The following DGKG variants were observed in gnomAD, a reference collection of about 807,000 sequenced individuals.
The protein encoded by DGKG is DAG kinase gamma.
In DGKG, 78 loss-of-function variants were observed where a neutral mutation model predicts 105.3. The ratio of observed to expected loss-of-function variants is 0.74; its 90% CI spans 0.62 to 0.89. The LOEUF (loss-of-function observed/expected upper bound fraction) is 0.89. Among genes scored for constraint, DGKG ranks in the 40% least tolerant of loss-of-function variants. DGKG has a pLI of 0.00. For synonymous variants in DGKG, 346 were observed against 367.1 expected (o/e 0.94, Z 0.66); for missense variants, 958 against 1,020.1 (o/e 0.94, Z 0.83).
intron 21 of DGKG, among the ~76,000 whole-genome samples, chr3:186,201,209 T>C (rs942277696): frequency 5.9e-5 from 9 of 151,962 alleles, no homozygotes; most frequent in Non-Finnish European, 1.3e-4. Context: ...TGGATGCAGA[T>C]TAATAGGCTT....
At chr3:186,287,220 T>C (rs1723112416) in intron 6 of DGKG, among the ~76,000 whole-genome samples, 1 of 152,274 alleles carries the variant, frequency 6.6e-6, no homozygotes, top group South Asian at 2.1e-4. Context: ...TACTGACTAT[T>C]TGATAATAGC....
chr3:186,288,089 C>T (rs899590068), intron 6 of DGKG, among the ~76,000 whole-genome samples: 8 of 152,228 alleles, frequency 5.3e-5, no homozygotes, highest in Non-Finnish European at 1.0e-4. Context: ...GCTCCCAGCT[C>T]TTACTCTCCT....
intron 24 of DGKG, chr3:186,158,742 A>C (rs923058290): frequency 5.8e-5 from 56 of 970,562 alleles, no homozygotes; most frequent in Non-Finnish European, 6.5e-5. Flanking sequence ...TGTCAATTCT[A>C]TATCAACCTT....
intron 24 of DGKG, chr3:186,158,267 C>T (rs943144201): frequency 5.2e-6 from 4 of 768,584 alleles, no homozygotes; most frequent in Non-Finnish European, 6.3e-6. Context: ...TTACATTTTA[C>T]TTCTTTTTTA....
At chr3:186,356,345 G>T (rs761541330) in intron 1 of DGKG, among the ~76,000 whole-genome samples, 11 of 152,218 alleles carry the variant, frequency 7.2e-5, no homozygotes, top group Non-Finnish European at 1.5e-4. Context: ...ATCTGGGCAA[G>T]TTGGCGAGGC....
intron 1 of DGKG, among the ~76,000 whole-genome samples, chr3:186,351,519 C>G (rs988692195): frequency 2.0e-5 from 3 of 152,088 alleles, no homozygotes; most frequent in African/African-American, 7.2e-5. Context: ...AGTTCTAATG[C>G]AAATGAAAAT....
chr3:186,297,789 C>A (rs1253137224), intron 4 of DGKG, among the ~76,000 whole-genome samples: 1 of 152,180 alleles, frequency 6.6e-6, no homozygotes. Flanking sequence ...GGCTCTCTTC[C>A]CCCACCATAC....
At chr3:186,212,762 C>A (rs959185320) in intron 20 of DGKG, among the ~76,000 whole-genome samples, 1 of 152,204 alleles carries the variant, frequency 6.6e-6, no homozygotes, top group African/African-American at 2.4e-5. Flanking sequence ...CCAACTGTCA[C>A]CCCATTATCA....
At chr3:186,218,502 GAAAAAAAAAAA>G (rs10692822) in intron 20 of DGKG, among the ~76,000 whole-genome samples, 1 of 70,380 alleles carries the variant, frequency 1.4e-5, no homozygotes, top group Non-Finnish European at 2.4e-5. Flanking sequence ...GACTCCGTCT[GAAAAAAAAAAA>G]AAAAAAAAAA....
At chr3:186,306,647 C>A in intron 3 of DGKG, 1 of 412,520 alleles carries the variant, frequency 2.4e-6, no homozygotes, top group Non-Finnish European at 4.3e-6. Flanking sequence ...CAGTTGTTAA[C>A]TGAGGATGAG....
At position 186,211,888 on chromosome 3, in the gene DGKG, G is replaced by T. The variant is rs1459775250; in HGVS notation, c.1827-3C>A. On this transcript the variant is annotated splice_polypyrimidine_tract_variant and splice_region_variant and intron_variant, in intron 20 of 24. Coordinates refer to ENST00000265022, the MANE Select transcript of DGKG (RefSeq NM_001346.3). The stretch of plus-strand genomic sequence containing the variant: ...AGTACCACAGCTTGTTCTTCATCCT[G>T]GACCACAAAGCAGAGAGATGTCTCA... 3 of 1,611,774 alleles carry T rather than the reference G, an allele frequency of 1.9e-6. No individual in the cohort carries two copies. The highest frequency in any genetic ancestry group is 2.5e-6 in the Non-Finnish European group (3 of 1,178,000).
chr3:186,166,286 T>C (rs1317078770), intron 22 of DGKG, among the ~76,000 whole-genome samples: 1 of 152,262 alleles, frequency 6.6e-6, no homozygotes, highest in Non-Finnish European at 1.5e-5. Flanking sequence ...GATACACGGC[T>C]TGCATCAGTC....
intron 24 of DGKG, 23 bp from the exon 25 acceptor site, chr3:186,150,211 G>A (rs1715690532): frequency 6.3e-7 from 1 of 1,598,924 alleles, no homozygotes; most frequent in Non-Finnish European, 8.5e-7. Flanking sequence ...AGGCAGAAAT[G>A]AATTAGTGGC....
At chr3:186,353,159 G>A (rs933385079) in intron 1 of DGKG, among the ~76,000 whole-genome samples, 3 of 152,062 alleles carry the variant, frequency 2.0e-5, no homozygotes, top group East Asian at 1.9e-4. Flanking sequence ...ACTCCAGAGC[G>A]TATTACCTGA....
intron 23 of DGKG, among the ~76,000 whole-genome samples, chr3:186,162,611 C>T (rs1311158725): frequency 6.6e-6 from 1 of 152,218 alleles, no homozygotes; most frequent in African/African-American, 2.4e-5. Context: ...ACCATCTCGG[C>T]TCACTGCAAG....
intron 16 of DGKG, among the ~76,000 whole-genome samples, chr3:186,259,091 C>T (rs1201682880): frequency 6.6e-6 from 1 of 151,860 alleles, no homozygotes; most frequent in Non-Finnish European, 1.5e-5. Flanking sequence ...TCTTGCAGAA[C>T]TCTGCTCTCC....
chr3:186,318,041 T>C (rs1270054780), intron 2 of DGKG, among the ~76,000 whole-genome samples: 1 of 152,192 alleles, frequency 6.6e-6, no homozygotes, highest in East Asian at 1.9e-4. Context: ...TTCCCACGAA[T>C]TAGCATTTGT....
At chr3:186,347,798 G>T (rs964470781) in intron 1 of DGKG, among the ~76,000 whole-genome samples, 2 of 152,090 alleles carry the variant, frequency 1.3e-5, no homozygotes, top group African/African-American at 4.8e-5. Context: ...AGCCAGGCTG[G>T]TCTCAAACTC....
At chr3:186,276,470 T>C (rs546641640) in intron 9 of DGKG, among the ~76,000 whole-genome samples, 17 of 152,236 alleles carry the variant, frequency 1.1e-4, no homozygotes, top group African/African-American at 3.6e-4. Context: ...CCAAATGTTT[T>C]ACAGTGTGCA....
Sources: allele counts gnomAD v4.1 joint callset (sites outside exome capture counted in the v4.1 genomes callset), GRCh38; gene constraint gnomAD v4.1.1; transcripts MANE v1.5; gene names NCBI Gene and HGNC (gene_info 2026-07-23, HGNC 2026-07-21).